CCNG1: variants seen among roughly 807,000 people sequenced by gnomAD.
CCNG1 encodes cyclin-G1.
CCNG1 carries 13 observed loss-of-function variants against 30.0 expected under a neutral mutation model. The observed-to-expected ratio is 0.43, with a 90% CI of 0.28 to 0.69. CCNG1 has a LOEUF of 0.69. Among genes scored for constraint, CCNG1 ranks in the 30% least tolerant of loss-of-function variants. CCNG1 has a pLI of 0.16. For synonymous variants in CCNG1, 110 were observed against 121.5 expected (o/e 0.91, Z 0.62); for missense variants, 285 against 331.4 (o/e 0.86, Z 1.09).
chr5:163,447,200 C>T (rs1486902727), downstream of CCNG1: 1 of 152,522 alleles, frequency 6.6e-6, no homozygotes, highest in African/African-American at 2.4e-5. Context: ...TCCTGTAATT[C>T]CAATGCTTTG....
the CCNG1 span, among the ~76,000 whole-genome samples, chr5:163,454,307 G>A: frequency 2.0e-5 from 3 of 152,044 alleles, no homozygotes; most frequent in African/African-American, 7.2e-5. Context: ...ATAAAAGTCT[G>A]TAGTTATATT....
the CCNG1 span, chr5:163,453,956 A>T: frequency 6.8e-7 from 1 of 1,472,682 alleles, no homozygotes. Context: ...AGAATGCAGG[A>T]AAAAAAGCAG....
downstream of CCNG1, chr5:163,448,236 T>A (rs887814744): frequency 2.0e-5 from 3 of 150,044 alleles, no homozygotes; most frequent in African/African-American, 7.3e-5. Flanking sequence ...AATGCAATTG[T>A]AAACAAATTA....
intron 6 of CCNG1, among the ~76,000 whole-genome samples, 198 bp from the exon 7 acceptor site, chr5:163,443,476 G>A (rs922152775): frequency 2.6e-5 from 4 of 152,100 alleles, no homozygotes; most frequent in African/African-American, 9.7e-5. Context: ...CTTGCTTTCT[G>A]CATATGTGAT....
At chr5:163,453,881 C>T in the CCNG1 span, 144 of 624,512 alleles carry the variant, frequency 2.3e-4, 1 homozygote, top group South Asian at 3.9e-3. Context: ...TGTAGGCATC[C>T]GCATTTTTCT....
chr5:163,455,800 T>G, the CCNG1 span, among the ~76,000 whole-genome samples: 3 of 150,516 alleles, frequency 2.0e-5, no homozygotes, highest in East Asian at 5.8e-4. Flanking sequence ...AGAGTAAAAG[T>G]GAGAAGACCA....
chr5:163,439,108 C>A, intron 1 of CCNG1, 149 bp from the exon 2 acceptor site: 9 of 621,046 alleles, frequency 1.4e-5, no homozygotes, highest in South Asian at 2.2e-5. Flanking sequence ...AAATAAATAA[C>A]AGATGGCACT....
rs1757965606 is a variant in CCNG1 at position 163,444,202 on chromosome 5, T to TA, written c.*533dup. ...TAAACACACCCCATAATGCAAGTAA[T>TA]AGGTAATCTAGAGATGTGGACTTTA... On this transcript the variant is annotated 3_prime_UTR_variant, in exon 7 of 7. Coordinates refer to ENST00000340828, the MANE Select transcript of CCNG1 (RefSeq NM_004060.4). 6.5e-6 allele frequency: 1 copy of TA among 152,906 alleles called. No homozygotes were observed. The highest frequency in any genetic ancestry group is 2.4e-5 in the African/African-American group (1 of 41,468). The allele number at this position is 152,906 out of a possible 1,614,324, so 9.5% of individuals were successfully genotyped here.
chr5:163,456,826 G>A, the CCNG1 span: 1 of 901,922 alleles, frequency 1.1e-6, no homozygotes, highest in Non-Finnish European at 1.5e-6. Context: ...TCTAGAAAAT[G>A]TTTGTAACTT....
downstream of CCNG1, chr5:163,448,204 A>G (rs1758088231): frequency 1.3e-5 from 2 of 152,066 alleles, no homozygotes; most frequent in East Asian, 1.9e-4. Context: ...AAAGAAGAAA[A>G]AAAAAAAAGA....
the CCNG1 span, chr5:163,457,605 T>C: frequency 6.3e-7 from 1 of 1,583,216 alleles, no homozygotes. Flanking sequence ...AATCAAAGAG[T>C]TTGCCCTGAA....
chr5:163,442,617 C>A, intron 6 of CCNG1, 49 bp downstream of exon 6: 2 of 1,393,362 alleles, frequency 1.4e-6, no homozygotes, highest in Non-Finnish European at 2.0e-6. Context: ...TTTTCCAATG[C>A]CATAATTTTC....
intron 6 of CCNG1, 92 bp from the exon 7 acceptor site, chr5:163,443,582 T>C: frequency 4.4e-6 from 3 of 686,678 alleles, no homozygotes; most frequent in East Asian, 5.4e-5. Context: ...TGATTATGAA[T>C]ATTAGATATG....
intron 6 of CCNG1, among the ~76,000 whole-genome samples, chr5:163,443,182 G>A (rs1253283012): frequency 6.6e-6 from 1 of 152,038 alleles, no homozygotes; most frequent in Non-Finnish European, 1.5e-5. Flanking sequence ...CGCGGTGGCG[G>A]GCGCCTGTAG....
chr5:163,445,888 A>C (rs565192880), downstream of CCNG1: 1 of 152,098 alleles, frequency 6.6e-6, no homozygotes, highest in African/African-American at 2.4e-5. Context: ...TATCCTTAAT[A>C]TATATTTACT....
At chr5:163,449,946 A>C (rs1758137063), downstream of CCNG1, 1 of 152,204 alleles carries the variant, frequency 6.6e-6, no homozygotes, top group South Asian at 2.1e-4. Context: ...CTAAATTTAT[A>C]AAATTTTTAG....
intron 1 of CCNG1, among the ~76,000 whole-genome samples, chr5:163,438,895 G>C (rs989292443): frequency 6.6e-6 from 1 of 151,982 alleles, no homozygotes; most frequent in African/African-American, 2.4e-5. Context: ...GCGCGGTGGC[G>C]CATGCCTGTA....
At chr5:163,438,345 T>C (rs1443784098) in intron 1 of CCNG1, among the ~76,000 whole-genome samples, 1 of 152,180 alleles carries the variant, frequency 6.6e-6, no homozygotes. Flanking sequence ...GCTATACTCT[T>C]TAAGTGGTGA....
rs1193948677 is a variant in CCNG1 at position 163,443,562 on chromosome 5, C to T, written c.*4-112C>T. 1.1e-5 allele frequency: 7 copies of T among 615,248 alleles called. No homozygotes were observed. The Admixed American group carries it at 1.7e-4, about 15-fold the overall frequency. 38.1% of individuals were successfully genotyped at this position (615,248 alleles called of 1,614,324 possible). On this transcript the variant is annotated intron_variant, in intron 6 of 6. Transcript: ENST00000340828. ...CAAAACTAAATGTTAACATTTAATACATCTACATGTGATTATGAATATTAG... is the reference window on the plus strand; with the variant it reads ...CAAAACTAAATGTTAACATTTAATATATCTACATGTGATTATGAATATTAG...
Sources: gnomAD v4.1 joint callset for allele counts (sites outside exome capture counted in the v4.1 genomes callset) on GRCh38, gnomAD v4.1.1 for gene constraint, MANE v1.5 for transcripts, NCBI Gene and HGNC (gene_info 2026-07-23, HGNC 2026-07-21) for gene names.